TRPC1: variants seen among roughly 807,000 people sequenced by gnomAD.
TRPC1 encodes the protein short transient receptor potential channel 1.
Under a neutral mutation model 88.2 loss-of-function variants are expected in TRPC1, and 42 were observed. The ratio of observed to expected loss-of-function variants is 0.48; its 90% CI spans 0.37 to 0.62. TRPC1 has a LOEUF of 0.62. TRPC1 is among the 20% of genes least tolerant of loss of function. The probability of loss-of-function intolerance (pLI) is 0.00; values close to 1 mark genes in which losing one functional copy is unlikely to be tolerated. For synonymous variants in TRPC1, 288 were observed against 331.8 expected (o/e 0.87, Z 1.43); for missense variants, 699 against 957.3 (o/e 0.73, Z 3.56).
chr3:142,788,113 GA>G (rs1936187343), intron 7 of TRPC1, among the ~76,000 whole-genome samples: 1 of 152,184 alleles, frequency 6.6e-6, no homozygotes, highest in Non-Finnish European at 1.5e-5. Flanking sequence ...TTTATATTAA[GA>G]ACAAGGGGAA....
intron 2 of TRPC1, among the ~76,000 whole-genome samples, chr3:142,741,877 CAT>C (rs1038277378): frequency 1.3e-5 from 2 of 152,044 alleles, no homozygotes; most frequent in African/African-American, 4.8e-5. Context: ...AATTAAAAAT[CAT>C]AGGCTGGGCG....
At chr3:142,742,055 C>T (rs952146417) in intron 2 of TRPC1, among the ~76,000 whole-genome samples, 4 of 151,406 alleles carry the variant, frequency 2.6e-5, no homozygotes, top group Middle Eastern at 3.4e-3. Flanking sequence ...CCCAGCTACT[C>T]GGGAGGCTGA....
intron 4 of TRPC1, among the ~76,000 whole-genome samples, chr3:142,748,694 A>G (rs1934644665): frequency 6.6e-6 from 1 of 152,140 alleles, no homozygotes; most frequent in Non-Finnish European, 1.5e-5. Context: ...GTTATCTCAT[A>G]CTCCTGCTGG....
At position 142,802,201 on chromosome 3, in the gene TRPC1, A is replaced by T. The variant is rs776429876; in HGVS notation, c.1614A>T (p.Gly538=). 1.9e-6 allele frequency: 3 copies of T among 1,590,094 alleles called. No homozygotes were observed. Among genetic ancestry groups the T allele is most frequent in the Non-Finnish European group, 2.6e-6 (3 of 1,170,960 alleles). The part of the protein sequence containing the change: ...ISMGQMLQDF[G]KFLGMFLLVL... ...TGGGACAGATGTTACAAGATTTTGG[A>T]AAATTTCTTGGGATGTTTCTTCTTG... The change falls in exon 10 of 13, where the codon GGA becomes GGT. Residue 538 remains glycine (G), a synonymous_variant. Coordinates refer to ENST00000476941, the MANE Select transcript of TRPC1 (RefSeq NM_001251845.2).
At chr3:142,780,571 A>G (rs944690769) in intron 5 of TRPC1, among the ~76,000 whole-genome samples, 6 of 152,186 alleles carry the variant, frequency 3.9e-5, no homozygotes, top group African/African-American at 1.4e-4. Context: ...TTTAGGAATA[A>G]CATCAGTATA....
At chr3:142,781,497 A>G (rs2108118987) in intron 6 of TRPC1, among the ~76,000 whole-genome samples, 1 of 152,238 alleles carries the variant, frequency 6.6e-6, no homozygotes, top group East Asian at 1.9e-4. Context: ...AGTATCAGAT[A>G]CTATATTTCC....
chr3:142,806,380 TA>T lies in TRPC1; in HGVS notation c.*146del. On this transcript the variant is annotated 3_prime_UTR_variant, in exon 13 of 13. Coordinates refer to ENST00000476941, the MANE Select transcript of TRPC1 (RefSeq NM_001251845.2). Reference sequence around the variant, plus strand: ...CTTTAAAATATTTATAGCATAAATATATGTTATGTAAAGTGTGTATATAGAA... The same window carrying T: ...CTTTAAAATATTTATAGCATAAATATTGTTATGTAAAGTGTGTATATAGAA... 1 of 738,854 alleles carries T rather than the reference TA, an allele frequency of 1.4e-6. No homozygotes were observed. Among genetic ancestry groups the T allele is most frequent in the Non-Finnish European group, 2.1e-6 (1 of 471,442 alleles). The allele number at this position is 738,854 out of a possible 1,614,324, so 45.8% of individuals were successfully genotyped here. A position where few individuals can be genotyped will look rare whatever the true frequency, so the allele number is the denominator to read the frequency against.
In TRPC1 at chr3:142,729,524, G is replaced by A. The variant is rs182091528; in HGVS notation, c.172+4793G>A. ...GGCCTATATGTGATTTGGAGAATGG[G>A]ATATTACGTGTACAGGGTCAGTCTT... On this transcript the variant is annotated intron_variant, in intron 1 of 12. Transcript: ENST00000476941. Among the ~76,000 whole-genome samples, 7 of 152,188 alleles carry A rather than the reference G, an allele frequency of 4.6e-5. No individual in the cohort carries two copies. In the East Asian group the frequency reaches 9.6e-4, roughly 21 times the overall value.
chr3:142,764,577 G>A (rs1935319926), intron 4 of TRPC1, among the ~76,000 whole-genome samples: 1 of 151,952 alleles, frequency 6.6e-6, no homozygotes, highest in Non-Finnish European at 1.5e-5. Context: ...TGGGCACTTT[G>A]AAAATGCCAT....
intron 1 of TRPC1, among the ~76,000 whole-genome samples, chr3:142,725,366 G>T (rs763612863): frequency 5.9e-5 from 9 of 152,152 alleles, no homozygotes; most frequent in Non-Finnish European, 1.2e-4. Flanking sequence ...TTTACGGAAC[G>T]CCTTTGATTG....
At chr3:142,755,474 A>G (rs1334283457) in intron 4 of TRPC1, among the ~76,000 whole-genome samples, 2 of 152,114 alleles carry the variant, frequency 1.3e-5, no homozygotes, top group African/African-American at 4.8e-5. Context: ...TAGATTGGAA[A>G]CTAGTCTCAT....
At chr3:142,764,171 C>T in intron 4 of TRPC1, among the ~76,000 whole-genome samples, 1 of 150,824 alleles carries the variant, frequency 6.6e-6, no homozygotes, top group South Asian at 2.1e-4. Context: ...TTCATTTTCA[C>T]TTTTAGTTGT....
chr3:142,754,089 CAAAAAAAAAAAA>C (rs10609600), intron 4 of TRPC1, among the ~76,000 whole-genome samples: 2 of 86,154 alleles, frequency 2.3e-5, no homozygotes, highest in Admixed American at 1.4e-4. Context: ...GACTCCGTCT[CAAAAAAAAAAAA>C]AAAAAAAAAA....
intron 5 of TRPC1, 58 bp downstream of exon 5, chr3:142,777,821 C>T (rs1935834315): frequency 6.7e-6 from 10 of 1,490,336 alleles, no homozygotes; most frequent in Non-Finnish European, 8.2e-6. Flanking sequence ...ACCTCAGTTT[C>T]TTCATTACCC....
intron 5 of TRPC1, among the ~76,000 whole-genome samples, chr3:142,778,275 T>G (rs1477189032): frequency 6.6e-6 from 1 of 152,156 alleles, no homozygotes; most frequent in Non-Finnish European, 1.5e-5. Context: ...ATGTAATACA[T>G]GTAAACATAA....
chr3:142,804,594 A>G lies in TRPC1; in HGVS notation c.2118A>G (p.Thr706=). The change falls in exon 12 of 13, where the codon ACA becomes ACG. Residue 706 remains threonine (T), a synonymous_variant. Transcript: ENST00000476941. ...SSLSKWICSH[T]SKGKVKRQNS... is the part of the protein sequence containing the mutation. ...TCAGTAAGTGGATTTGCTCTCATACATCAAAAGGCAAGGTCAAACGGCAAA... is the reference window on the plus strand; with the variant it reads ...TCAGTAAGTGGATTTGCTCTCATACGTCAAAAGGCAAGGTCAAACGGCAAA... 1 of 1,608,890 alleles carries G rather than the reference A, an allele frequency of 6.2e-7. No homozygotes were observed. Among genetic ancestry groups the G allele is most frequent in the Non-Finnish European group, 8.5e-7 (1 of 1,177,938 alleles).
At chr3:142,749,068 T>C (rs1432365184) in intron 4 of TRPC1, among the ~76,000 whole-genome samples, 1 of 152,226 alleles carries the variant, frequency 6.6e-6, no homozygotes, top group East Asian at 1.9e-4. Flanking sequence ...GAAACATTTA[T>C]ACATACAGTC....
intron 1 of TRPC1, among the ~76,000 whole-genome samples, chr3:142,733,245 C>G (rs1422440181): frequency 6.6e-6 from 1 of 152,150 alleles, no homozygotes; most frequent in African/African-American, 2.4e-5. Flanking sequence ...GGCACGGTGG[C>G]TTATGACTGT....
chr3:142,789,042 C>T (rs543668571), intron 7 of TRPC1, among the ~76,000 whole-genome samples: 5 of 152,256 alleles, frequency 3.3e-5, no homozygotes, highest in African/African-American at 1.2e-4. Flanking sequence ...CAGAAATAAA[C>T]ACATTTCTGT....
Sources: gnomAD v4.1 joint callset for allele counts (sites outside exome capture counted in the v4.1 genomes callset) on GRCh38, gnomAD v4.1.1 for gene constraint, MANE v1.5 for transcripts, NCBI Gene and HGNC (gene_info 2026-07-23, HGNC 2026-07-21) for gene names.